The following TTC29 variants were observed in gnomAD, a reference collection of about 807,000 sequenced individuals.
TTC29 encodes the protein tetratricopeptide repeat protein 29.
TTC29 carries 49 observed loss-of-function variants against 58.1 expected under a neutral mutation model. That is an observed-to-expected ratio of 0.84 (90% CI 0.67 to 1.07). The LOEUF is 1.07. Ranked by LOEUF, TTC29 falls within the 50% of genes least tolerant of loss-of-function variation. The pLI, the probability that TTC29 is intolerant of heterozygous loss-of-function variation, is 0.00. For synonymous variants in TTC29, 209 were observed against 196.8 expected (o/e 1.06, Z -0.52); for missense variants, 582 against 555.6 (o/e 1.05, Z -0.48).
Position 146,833,889 on chromosome 4 carries a change from G to A in TTC29, c.894C>T (p.Asp298=). The change falls in exon 9 of 13, where the codon GAC becomes GAT. Residue 298 remains aspartate (D), a synonymous_variant. Coordinates refer to ENST00000325106, the MANE Select transcript of TTC29 (RefSeq NM_031956.4). ...EEYETALTVL[D]TYCKISTDLD... ...GGTCTGTGGAGATTTTACAGTAAGT[G>A]TCAAGGACCTATCAGGAAGAGAAAT... 3.7e-6 allele frequency: 6 copies of A among 1,611,540 alleles called. No individual in the cohort carries two copies. Among genetic ancestry groups the A allele is most frequent in the Non-Finnish European group, 5.1e-6 (6 of 1,178,238 alleles).
chr4:146,802,617 G>C (rs925196018), intron 11 of TTC29, among the ~76,000 whole-genome samples: 5 of 152,136 alleles, frequency 3.3e-5, no homozygotes, highest in African/African-American at 1.2e-4. Context: ...AAAATAGATT[G>C]TTGTTTCATC....
At chr4:146,886,842 G>A (rs767045720) in intron 6 of TTC29, among the ~76,000 whole-genome samples, 7 of 152,164 alleles carry the variant, frequency 4.6e-5, no homozygotes, top group African/African-American at 7.2e-5. Flanking sequence ...TTTCCATCCC[G>A]GCTCTGACAT....
intron 8 of TTC29, among the ~76,000 whole-genome samples, chr4:146,837,494 A>G (rs1190465884): frequency 6.6e-6 from 1 of 152,132 alleles, no homozygotes; most frequent in African/African-American, 2.4e-5. Flanking sequence ...GCTGAACTTA[A>G]AAGTTTTTTA....
chr4:146,743,936 A>G (rs1745349776), intron 11 of TTC29, among the ~76,000 whole-genome samples: 1 of 152,206 alleles, frequency 6.6e-6, no homozygotes, highest in African/African-American at 2.4e-5. Flanking sequence ...AAAGGAATGT[A>G]TAGAACCCCA....
At chr4:146,872,689 C>A (rs35835177) in intron 7 of TTC29, among the ~76,000 whole-genome samples, 97 of 151,760 alleles carry the variant, frequency 6.4e-4, no homozygotes, top group Non-Finnish European at 1.1e-3. Flanking sequence ...AAGTGAGATA[C>A]CACATTACAC....
intron 8 of TTC29, among the ~76,000 whole-genome samples, chr4:146,835,942 G>A (rs1376928662): frequency 1.3e-5 from 2 of 152,108 alleles, no homozygotes; most frequent in Admixed American, 6.6e-5. Flanking sequence ...GACAGCTTTG[G>A]CCTTGCACTT....
At chr4:146,713,010 G>T (rs1457532541) in intron 11 of TTC29, among the ~76,000 whole-genome samples, 2 of 151,914 alleles carry the variant, frequency 1.3e-5, no homozygotes, top group Non-Finnish European at 2.9e-5. Context: ...GACTCCCTTT[G>T]GCTAAATACA....
At chr4:146,710,136 G>C (rs905551674) in intron 11 of TTC29, among the ~76,000 whole-genome samples, 1 of 152,144 alleles carries the variant, frequency 6.6e-6, no homozygotes, top group Non-Finnish European at 1.5e-5. Context: ...TACCTTCTAA[G>C]AAATGAGTCA....
intron 2 of TTC29, among the ~76,000 whole-genome samples, chr4:146,943,518 G>A (rs1033616044): frequency 6.6e-6 from 1 of 152,120 alleles, no homozygotes; most frequent in Non-Finnish European, 1.5e-5. Context: ...AGTTGAACAG[G>A]CTTTCTCTTT....
At chr4:146,785,555 CTT>C (rs950713895) in intron 11 of TTC29, among the ~76,000 whole-genome samples, 1 of 152,196 alleles carries the variant, frequency 6.6e-6, no homozygotes, top group Non-Finnish European at 1.5e-5. Context: ...CTTTTAAAGA[CTT>C]ATCTCCTTAA....
rs368742211 is a variant in TTC29, at chr4:146,939,871, T to G, written c.25A>C (p.Met9Leu). Residue 9 changes from methionine (M) to leucine (L), a missense_variant, in exon 3 of 13, where the codon ATG becomes CTG. Physicochemically the swap from Met to Leu is conservative, Grantham distance 15. Transcript: ENST00000325106. ...AAGGCTGTAAGCTTCGGGCGTGTCA[T>G]GGGCAGTGGGGGCAGGGTGGTCATT... MTTLPPLP[M>L]TRPKLTALAR... The G allele has an allele frequency of 2.4e-5, 38 of 1,613,322 alleles. No individual in the cohort carries two copies. The highest frequency in any genetic ancestry group is 3.2e-5 in the Non-Finnish European group (38 of 1,179,684).
chr4:146,869,851 A>G (rs193072803), intron 7 of TTC29, among the ~76,000 whole-genome samples: 2 of 152,302 alleles, frequency 1.3e-5, no homozygotes, highest in Admixed American at 1.3e-4. Context: ...AGATAAAATG[A>G]AAGCAATAAC....
intron 11 of TTC29, among the ~76,000 whole-genome samples, chr4:146,724,724 G>A (rs1253837364): frequency 6.6e-6 from 1 of 152,116 alleles, no homozygotes; most frequent in Admixed American, 6.5e-5. Flanking sequence ...ACGTTCGCCA[G>A]GCTGGTCTTG....
chr4:146,801,772 C>G (rs1750237592), intron 11 of TTC29, among the ~76,000 whole-genome samples: 1 of 151,730 alleles, frequency 6.6e-6, no homozygotes, highest in African/African-American at 2.4e-5. Flanking sequence ...ATCAGGAGAT[C>G]AAGACCATCC....
At chr4:146,714,600 AG>A (rs1395113645) in intron 11 of TTC29, among the ~76,000 whole-genome samples, 1 of 151,498 alleles carries the variant, frequency 6.6e-6, no homozygotes, top group Non-Finnish European at 1.5e-5. Context: ...GAAAAGAAAA[AG>A]AAAAAAAAAA....
At chr4:146,742,043 C>T (rs182705381) in intron 11 of TTC29, among the ~76,000 whole-genome samples, 2,958 of 152,216 alleles carry the variant, frequency 0.019, 59 homozygotes, top group Middle Eastern at 0.031. Flanking sequence ...TGCAGAAGCC[C>T]ACAGGGTCTA....
chr4:146,877,831 C>G (rs927158698), intron 6 of TTC29, among the ~76,000 whole-genome samples: 1 of 152,050 alleles, frequency 6.6e-6, no homozygotes. Context: ...TTCTGGGTAA[C>G]TCAATTAGAA....
intron 6 of TTC29, among the ~76,000 whole-genome samples, chr4:146,894,187 C>A (rs1444860205): frequency 1.3e-5 from 2 of 152,096 alleles, no homozygotes; most frequent in East Asian, 1.9e-4. Flanking sequence ...TGGGTATATA[C>A]CCAAAGGATT....
At chr4:146,841,225 G>T (rs929262333) in intron 8 of TTC29, among the ~76,000 whole-genome samples, 3 of 152,062 alleles carry the variant, frequency 2.0e-5, no homozygotes, top group Non-Finnish European at 2.9e-5. Context: ...TCAAGATGGT[G>T]CAGGTGGCTG....
Sources: gnomAD v4.1 joint callset for allele counts (sites outside exome capture counted in the v4.1 genomes callset) on GRCh38, gnomAD v4.1.1 for gene constraint, MANE v1.5 for transcripts, NCBI Gene and HGNC (gene_info 2026-07-23, HGNC 2026-07-21) for gene names.